Variants in ADGRD1 observed in about 807,000 individuals in gnomAD.
ADGRD1 encodes the protein adhesion G protein-coupled receptor D1.
ADGRD1 carries 77 observed loss-of-function variants against 113.4 expected under a neutral mutation model. The ratio of observed to expected loss-of-function variants is 0.68; its 90% CI spans 0.57 to 0.82. The LOEUF is 0.82. Among genes scored for constraint, ADGRD1 ranks in the 40% least tolerant of loss-of-function variants. The pLI is 0.00. For synonymous variants in ADGRD1, 474 were observed against 475.0 expected (o/e 1.00, Z 0.03); for missense variants, 1,036 against 1,139.1 (o/e 0.91, Z 1.30).
At chr12:131,129,824 G>A (rs907403635) in intron 20 of ADGRD1, among the ~76,000 whole-genome samples, 3 of 152,220 alleles carry the variant, frequency 2.0e-5, no homozygotes, top group Non-Finnish European at 4.4e-5. Flanking sequence ...TTGACTTGGG[G>A]CACCTTCCAT....
intron 23 of ADGRD1, among the ~76,000 whole-genome samples, chr12:131,137,280 G>A (rs886180780): frequency 4.6e-5 from 7 of 152,340 alleles, no homozygotes; most frequent in East Asian, 1.9e-4. Flanking sequence ...AGATGTAGGC[G>A]TGCTCCCCAC....
intron 14 of ADGRD1, among the ~76,000 whole-genome samples, chr12:131,077,804 C>T (rs1160227013): frequency 2.0e-5 from 3 of 152,174 alleles, no homozygotes; most frequent in African/African-American, 4.8e-5. Context: ...GTGGTGTGAT[C>T]TTAGCTCAAT....
In ADGRD1 at chr12:131,120,891, CCCCTG is replaced by C; in HGVS notation, c.2159_2163del (p.Ala720ValfsTer233). On this transcript the variant is annotated frameshift_variant, in exon 20 of 25. Transcript: ENST00000261654. LOFTEE classifies it high-confidence loss of function. ...AGTGGCGCCATCTGGGCCTTTGTAGCCCCTGCCCTGTTTGTCATCGTGGTACGTTT... is the reference window on the plus strand; with the variant it reads ...AGTGGCGCCATCTGGGCCTTTGTAGCCCCTGTTTGTCATCGTGGTACGTTT... 1.9e-6 allele frequency: 3 copies of C among 1,614,150 alleles called. No individual in the cohort carries two copies. Among genetic ancestry groups the C allele is most frequent in the Non-Finnish European group, 2.5e-6 (3 of 1,179,998 alleles).
At chr12:131,108,004 A>G (rs1191566264) in intron 17 of ADGRD1, among the ~76,000 whole-genome samples, 1 of 152,100 alleles carries the variant, frequency 6.6e-6, no homozygotes, top group African/African-American at 2.4e-5. Flanking sequence ...ACTCACAGGG[A>G]GCAGAGGAGT....
intron 13 of ADGRD1, among the ~76,000 whole-genome samples, chr12:131,028,251 A>T (rs1880207026): frequency 6.6e-6 from 1 of 152,250 alleles, no homozygotes; most frequent in South Asian, 2.1e-4. Flanking sequence ...ATATCCTTTT[A>T]AAAAAATCTA....
In ADGRD1 at chr12:131,108,734, A is replaced by G. The variant is rs1191563515; in HGVS notation, c.1898A>G (p.Gln633Arg). Residue 633 changes from glutamine (Q) to arginine (R), a missense_variant, in exon 18 of 25, where the codon CAA (glutamine) becomes CGA (arginine). Physicochemically the swap from Gln to Arg is conservative, Grantham distance 43 (BLOSUM62 1). Coordinates refer to ENST00000261654, the MANE Select transcript of ADGRD1 (RefSeq NM_198827.5). The part of the protein sequence containing the change: ...FRLEPGTTPC[Q>R]VMAVLLHYFF... ...CTGGTTAAATCCTAGACCCCCTGCCAAGTGATGGCCGTGCTCCTACACTAC... is the reference window on the plus strand; with the variant it reads ...CTGGTTAAATCCTAGACCCCCTGCCGAGTGATGGCCGTGCTCCTACACTAC... 4 of 1,614,004 alleles carry G rather than the reference A, an allele frequency of 2.5e-6. No homozygotes were observed. The highest frequency in any genetic ancestry group is 2.2e-5 in the East Asian group (1 of 44,864).
intron 15 of ADGRD1, among the ~76,000 whole-genome samples, chr12:131,099,039 C>T (rs1005723911): frequency 6.6e-5 from 10 of 152,226 alleles, no homozygotes; most frequent in African/African-American, 2.4e-4. Context: ...GCAGGTGCCT[C>T]GTTTCTGTCA....
intron 12 of ADGRD1, among the ~76,000 whole-genome samples, chr12:131,007,914 TAA>T (rs963255590): frequency 1.3e-5 from 2 of 152,184 alleles, no homozygotes; most frequent in African/African-American, 2.4e-5. Context: ...GCTCATCCAG[TAA>T]AGTCTCTGTA....
At chr12:131,002,720 C>G (rs989368650) in intron 9 of ADGRD1, 1 of 1,244,124 alleles carries the variant, frequency 8.0e-7, no homozygotes, top group Non-Finnish European at 1.0e-6. Flanking sequence ...AGAGATAGCT[C>G]TGGGTGCCGG....
chr12:131,086,976 G>A (rs1176248860), intron 15 of ADGRD1, among the ~76,000 whole-genome samples: 1 of 152,176 alleles, frequency 6.6e-6, no homozygotes, highest in Non-Finnish European at 1.5e-5. Context: ...TTTGATCATG[G>A]CTCACTACAG....
Position 131,138,234 on chromosome 12 carries a change from G to T in ADGRD1, c.2529+5G>T. ...AAGCCCTTCCACTCGGACCTCGTGA[G>T]TGCAGCCTCCATAAACCGAGGGTCC... On this transcript the variant is annotated splice_donor_5th_base_variant and intron_variant, in intron 24 of 24. Transcript: ENST00000261654. The T allele has an allele frequency of 6.2e-7, 1 of 1,611,900 alleles. No homozygotes were observed. The highest frequency in any genetic ancestry group is 8.5e-7 in the Non-Finnish European group (1 of 1,178,666).
At chr12:131,118,218 T>G (rs1404084787) in intron 18 of ADGRD1, among the ~76,000 whole-genome samples, 167 bp from the exon 19 acceptor site, 3 of 152,200 alleles carry the variant, frequency 2.0e-5, no homozygotes, top group African/African-American at 7.2e-5. Context: ...TAAAAGTTCT[T>G]TGAGGATAGG....
chr12:131,051,041 G>A (rs1054886210), intron 13 of ADGRD1, among the ~76,000 whole-genome samples: 3 of 152,130 alleles, frequency 2.0e-5, no homozygotes, highest in Non-Finnish European at 2.9e-5. Context: ...TGAGAACACC[G>A]CCCGCATGAT....
chr12:131,009,796 G>A (rs906780378), intron 12 of ADGRD1, among the ~76,000 whole-genome samples: 6 of 152,018 alleles, frequency 3.9e-5, no homozygotes, highest in South Asian at 2.1e-4. Flanking sequence ...ATACATGTGC[G>A]TGTGTGTGTG....
intron 15 of ADGRD1, among the ~76,000 whole-genome samples, chr12:131,088,888 A>G (rs1447832997): frequency 1.3e-5 from 2 of 152,188 alleles, no homozygotes; most frequent in African/African-American, 4.8e-5. Flanking sequence ...GTGAGAGGTC[A>G]TCTGTGTGCT....
rs1217901776 is a variant in ADGRD1 at position 131,075,227 on chromosome 12, T to G, written c.1474-1574T>G. On this transcript the variant is annotated intron_variant, in intron 13 of 24. Transcript: ENST00000261654. The surrounding 1 kb of genome is among the most constrained non-coding windows in gnomAD (Gnocchi z 5.3). ...ATATAACGCTGTCTGCTGGAGGCTT[T>G]GGCCCTGGTGTAGCCTGGGCCCAAG... Among the ~76,000 whole-genome samples, 5 of 152,222 alleles carry G rather than the reference T, an allele frequency of 3.3e-5. No homozygotes were observed. The highest frequency in any genetic ancestry group is 1.5e-5 in the Non-Finnish European group (1 of 68,038).
At chr12:131,056,269 A>G (rs893313160) in intron 13 of ADGRD1, among the ~76,000 whole-genome samples, 3 of 152,250 alleles carry the variant, frequency 2.0e-5, no homozygotes, top group Non-Finnish European at 4.4e-5. Context: ...TTTACAATCC[A>G]GGAGGAAAGT....
rs1199765579 is a variant in ADGRD1 at position 131,008,395 on chromosome 12, T to A, written c.1331+2348T>A. 2.6e-5 allele frequency among the ~76,000 whole-genome samples: 4 copies of A among 152,302 alleles called. No individual in the cohort carries two copies. The Middle Eastern group carries it at 0.01, about 389-fold the overall frequency. ...TGCTGTCATCCTCATACATCCGCAGTGTGTTGTGAGGATGAAAGGATGCTT... is the reference window on the plus strand; with the variant it reads ...TGCTGTCATCCTCATACATCCGCAGAGTGTTGTGAGGATGAAAGGATGCTT... On this transcript the variant is annotated intron_variant, in intron 12 of 24. Coordinates refer to ENST00000261654, the MANE Select transcript of ADGRD1 (RefSeq NM_198827.5).
chr12:131,057,980 T>G lies in ADGRD1; in HGVS notation c.1474-18821T>G, dbSNP rs1357406371. 6.6e-6 allele frequency among the ~76,000 whole-genome samples: 1 copy of G among 152,216 alleles called. No individual in the cohort carries two copies. The highest frequency in any genetic ancestry group is 1.5e-5 in the Non-Finnish European group (1 of 68,026). ...GTCTATGCACCAGGGAGAATGAGCT[T>G]CTGTTATTTTAACCTTTGTAACTTT... On this transcript the variant is annotated intron_variant, in intron 13 of 24. Coordinates refer to ENST00000261654, the MANE Select transcript of ADGRD1 (RefSeq NM_198827.5). The surrounding 1 kb of genome is among the most constrained non-coding windows in gnomAD (Gnocchi z 4.2).
Sources: allele counts gnomAD v4.1 joint callset (sites outside exome capture counted in the v4.1 genomes callset), GRCh38; gene constraint gnomAD v4.1.1; non-coding constraint Gnocchi (gnomAD v3.1); transcripts MANE v1.5; gene names NCBI Gene and HGNC (gene_info 2026-07-23, HGNC 2026-07-21).